The following UTRN variants were observed in gnomAD, a reference collection of about 807,000 sequenced individuals.
The protein encoded by UTRN is dystrophin-related protein 1.
Under a neutral mutation model 463.9 loss-of-function variants are expected in UTRN, and 283 were observed. The observed-to-expected ratio is 0.61, with a 90% CI of 0.55 to 0.67. UTRN has a LOEUF of 0.67. UTRN is among the 30% of genes least tolerant of loss of function. The pLI is 0.00. For synonymous variants in UTRN, 1,442 were observed against 1,431.5 expected, an observed-to-expected ratio of 1.01 and a Z score of -0.17; for missense variants, 3,922 against 4,084.3, an observed-to-expected ratio of 0.96 and a Z score of 1.08.
rs144914336 is a variant in UTRN at position 144,485,483 on chromosome 6, G to T, written c.3786G>T (p.Leu1262=). 3.7e-6 allele frequency: 6 copies of T among 1,614,052 alleles called. No individual in the cohort carries two copies. The highest frequency in any genetic ancestry group is 4.2e-6 in the Non-Finnish European group (5 of 1,180,026). Residue 1262 remains leucine, a synonymous_variant, in exon 28 of 75, where the codon CTG becomes CTT. Transcript: ENST00000367545. The part of the protein sequence containing the change: ...LEERMKSTEV[L]PEKTDAVNEA... ...AGCGGATGAAGAGCACAGAGGTCCT[G>T]CCTGAGAAGACGGATGCTGTCAACG...
At chr6:144,378,486 G>T (rs1780646182) in intron 2 of UTRN, among the ~76,000 whole-genome samples, 1 of 152,200 alleles carries the variant, frequency 6.6e-6, no homozygotes, top group Admixed American at 6.5e-5. Context: ...TCGTCCAGAA[G>T]TCCGCTCTGA....
Position 144,411,668 on chromosome 6 carries a change from G to A in UTRN, c.141+8484G>A, listed in dbSNP as rs553305490. Among the ~76,000 whole-genome samples the A allele has an allele frequency of 1.3e-3, 197 of 152,240 alleles. 4 individuals are homozygous for A. The highest frequency in any genetic ancestry group is 5.2e-4 in the Admixed American group (8 of 15,294). On this transcript the variant is annotated intron_variant, in intron 3 of 74. Coordinates refer to ENST00000367545, the MANE Select transcript of UTRN (RefSeq NM_007124.3). ...CAGTATTTTATAGTTCTGAAGGTAGGTGCACATTTACTGATTCGGAGTGTT... is the reference window on the plus strand; with the variant it reads ...CAGTATTTTATAGTTCTGAAGGTAGATGCACATTTACTGATTCGGAGTGTT...
chr6:144,667,976 T>C (rs1403611850), intron 51 of UTRN, among the ~76,000 whole-genome samples: 1 of 152,212 alleles, frequency 6.6e-6, no homozygotes, highest in African/African-American at 2.4e-5. Context: ...TTCTGCAAAC[T>C]GCAAACCACA....
rs1275144476 is a variant in UTRN, at chr6:144,447,764, G to C, written c.1885G>C (p.Glu629Gln). The change falls in exon 16 of 75, where the codon GAA becomes CAA. Residue 629 changes from glutamate (E) to glutamine (Q), a missense_variant. Around this residue, in one of 3 missense-constraint regions of UTRN, gnomAD observed 2,349 missense variants for 2,303.8 expected, o/e 1.02. Coordinates refer to ENST00000367545, the MANE Select transcript of UTRN (RefSeq NM_007124.3). ...ATGGGATTCTTTGGTTCAGAGACTA[G>C]AAGATTCCTCCAACCAGGTACTTTT... ...QRWDSLVQRL[E>Q]DSSNQVTQAV... The C allele has an allele frequency of 8.1e-6, 13 of 1,611,792 alleles. No homozygotes were observed. Among genetic ancestry groups the C allele is most frequent in the Admixed American group, 3.3e-5 (2 of 59,730 alleles).
chr6:144,749,297 T>C (rs917925051), intron 55 of UTRN, among the ~76,000 whole-genome samples: 7 of 152,150 alleles, frequency 4.6e-5, no homozygotes. Context: ...TTGCTAAATA[T>C]TATTAAATAT....
At chr6:144,407,002 A>G (rs1783482057) in intron 3 of UTRN, among the ~76,000 whole-genome samples, 1 of 151,704 alleles carries the variant, frequency 6.6e-6, no homozygotes, top group Admixed American at 6.6e-5. Flanking sequence ...CTTCCTGGCC[A>G]GCTCCTACCC....
intron 3 of UTRN, among the ~76,000 whole-genome samples, chr6:144,412,762 TACACACACAC>T (rs149751810): frequency 3.3e-3 from 481 of 144,360 alleles, no homozygotes; most frequent in African/African-American, 5.1e-3. Context: ...ACACACACCA[TACACACACAC>T]ACACACACAC....
chr6:144,771,103 T>C (rs952872171), intron 58 of UTRN, among the ~76,000 whole-genome samples: 5 of 152,178 alleles, frequency 3.3e-5, no homozygotes, highest in Non-Finnish European at 7.3e-5. Flanking sequence ...TTAACAGATA[T>C]GGGTTTATTC....
chr6:144,770,637 A>G (rs1322205880), intron 58 of UTRN, among the ~76,000 whole-genome samples: 1 of 151,928 alleles, frequency 6.6e-6, no homozygotes, highest in Non-Finnish European at 1.5e-5. Flanking sequence ...TAATTGAAGC[A>G]TTCCATTTAT....
At chr6:144,738,628 C>T (rs915089724) in intron 54 of UTRN, among the ~76,000 whole-genome samples, 2 of 152,142 alleles carry the variant, frequency 1.3e-5, no homozygotes, top group Non-Finnish European at 2.9e-5. Context: ...GGCTATCTCA[C>T]CTCTAAATGT....
chr6:144,542,751 A>T, intron 45 of UTRN, 44 bp from the exon 46 acceptor site: 1 of 1,578,466 alleles, frequency 6.3e-7, no homozygotes, highest in East Asian at 2.2e-5. Context: ...AGTCATCTTT[A>T]TTTACGTAGT....
rs970196347 is a variant in UTRN, at chr6:144,659,086, A to C, written c.7480-19320A>C. 1.8e-4 allele frequency among the ~76,000 whole-genome samples: 28 copies of C among 152,348 alleles called. 1 individual carries two copies. Among genetic ancestry groups the C allele is most frequent in the Admixed American group, 1.6e-3 (24 of 15,306 alleles). ...TTGCCTGCTAACACCTTTTTGAAAA[A>C]TAAAATTAATCAACGCGTATTTCCT... On this transcript the variant is annotated intron_variant, in intron 51 of 74. Transcript: ENST00000367545.
At chr6:144,739,961 C>A (rs893185818) in intron 54 of UTRN, among the ~76,000 whole-genome samples, 1 of 152,180 alleles carries the variant, frequency 6.6e-6, no homozygotes, top group Non-Finnish European at 1.5e-5. Flanking sequence ...ACATTCCCAA[C>A]AAGCCAGAAT....
chr6:144,477,911 C>A (rs143449883), intron 25 of UTRN, among the ~76,000 whole-genome samples: 236 of 151,770 alleles, frequency 1.6e-3, no homozygotes, highest in African/African-American at 5.3e-3. Context: ...ATCTATCTAT[C>A]CATCCATCCA....
intron 51 of UTRN, chr6:144,660,322 T>A: frequency 2.1e-6 from 1 of 470,592 alleles, no homozygotes; most frequent in Non-Finnish European, 4.4e-6. Flanking sequence ...CCTTTCTTTC[T>A]TGCCTTTTTT....
At chr6:144,650,689 T>C (rs1778723829) in intron 51 of UTRN, among the ~76,000 whole-genome samples, 1 of 152,242 alleles carries the variant, frequency 6.6e-6, no homozygotes, top group Admixed American at 6.5e-5. Flanking sequence ...GGCGGGCAGA[T>C]CACAAGGTCA....
chr6:144,616,352 A>G (rs1231171747), intron 51 of UTRN, among the ~76,000 whole-genome samples: 1 of 152,164 alleles, frequency 6.6e-6, no homozygotes, highest in Non-Finnish European at 1.5e-5. Context: ...GATACCTTTA[A>G]TCTATAGAAA....
intron 41 of UTRN, among the ~76,000 whole-genome samples, chr6:144,529,428 C>CTT (rs765291327): frequency 1.3e-5 from 2 of 152,192 alleles, no homozygotes; most frequent in Non-Finnish European, 2.9e-5. Context: ...TGCTGTTTGT[C>CTT]TGAGTGGGAG....
intron 51 of UTRN, among the ~76,000 whole-genome samples, chr6:144,597,880 T>G (rs1381103846): frequency 6.6e-6 from 1 of 152,226 alleles, no homozygotes; most frequent in Non-Finnish European, 1.5e-5. Flanking sequence ...ACACATACTG[T>G]TGTTTTTAAA....
Sources: gnomAD v4.1 joint callset for allele counts (sites outside exome capture counted in the v4.1 genomes callset) on GRCh38, gnomAD v4.1.1 for gene constraint, gnomAD v4.1.1 regional missense constraint, MANE v1.5 for transcripts, NCBI Gene and HGNC (gene_info 2026-07-23, HGNC 2026-07-21) for gene names.